The following ERG variants were observed in gnomAD, a reference collection of about 807,000 sequenced individuals.
ERG encodes the protein transcriptional regulator ERG.
In ERG, 9 loss-of-function variants were observed where a neutral mutation model predicts 55.3. The observed-to-expected ratio is 0.16, with a 90% CI of 0.10 to 0.28. The LOEUF (loss-of-function observed/expected upper bound fraction) is 0.28, where lower values mean the gene tolerates loss of function less well. Ranked by LOEUF, ERG falls within the 10% of genes least tolerant of loss-of-function variation. The pLI, the probability that ERG is intolerant of heterozygous loss-of-function variation, is 1.00. For synonymous variants in ERG, 223 were observed against 237.3 expected, an observed-to-expected ratio of 0.94 and a Z score of 0.55; for missense variants, 434 against 631.6, an observed-to-expected ratio of 0.69 and a Z score of 3.35.
At chr21:38,501,463 C>T (rs1217889693), upstream of ERG, among the ~76,000 whole-genome samples, 2 of 152,144 alleles carry the variant, frequency 1.3e-5, no homozygotes, top group African/African-American at 4.8e-5. Flanking sequence ...ATCACTCTAG[C>T]TTTCCTCACT....
At chr21:38,529,586 C>T (rs62219611) in intron 2 of ERG, among the ~76,000 whole-genome samples, 178 of 152,258 alleles carry the variant, frequency 1.2e-3, no homozygotes, top group Non-Finnish European at 2.0e-3. Flanking sequence ...AGAGAAGCCA[C>T]GTTACCTATA....
chr21:38,638,336 A>G (rs1352645063), intron 1 of ERG, among the ~76,000 whole-genome samples: 1 of 152,230 alleles, frequency 6.6e-6, no homozygotes, highest in African/African-American at 2.4e-5. Context: ...GAGCTTCATC[A>G]TGATCATCTT....
At chr21:38,607,232 G>A (rs950312413) in intron 1 of ERG, among the ~76,000 whole-genome samples, 3 of 152,050 alleles carry the variant, frequency 2.0e-5, no homozygotes, top group African/African-American at 7.2e-5. Context: ...AAATGTTGAG[G>A]GAAAGACCAA....
chr21:38,507,956 C>T (rs1279922567), intron 2 of ERG, among the ~76,000 whole-genome samples: 3 of 152,152 alleles, frequency 2.0e-5, no homozygotes, highest in African/African-American at 7.2e-5. Flanking sequence ...CTCTCACACA[C>T]ACGCACATGC....
At chr21:38,444,788 G>T (rs73215924) in intron 2 of ERG, among the ~76,000 whole-genome samples, 4,131 of 151,962 alleles carry the variant, frequency 0.027, 76 homozygotes, top group Non-Finnish European at 0.04. Flanking sequence ...CAGAGGGTGG[G>T]GTGAGGGTGG....
chr21:38,367,814 CTACGG>C, the ERG span, among the ~76,000 whole-genome samples: 3 of 152,138 alleles, frequency 2.0e-5, no homozygotes, highest in African/African-American at 7.2e-5. Context: ...ATAACGAAAC[CTACGG>C]TACAGAGAGT....
At chr21:38,373,081 T>C in the ERG span, among the ~76,000 whole-genome samples, 1 of 152,168 alleles carries the variant, frequency 6.6e-6, no homozygotes, top group Non-Finnish European at 1.5e-5. Flanking sequence ...GTGGTTTCAG[T>C]GTCAAGTAAA....
At chr21:38,395,950 C>T (rs908246072) in intron 6 of ERG, among the ~76,000 whole-genome samples, 1 of 152,174 alleles carries the variant, frequency 6.6e-6, no homozygotes, top group Non-Finnish European at 1.5e-5. Flanking sequence ...GCTGCCTACC[C>T]GCTTTATTTT....
intron 1 of ERG, among the ~76,000 whole-genome samples, chr21:38,612,184 AG>A (rs1322990107): frequency 6.6e-6 from 1 of 152,194 alleles, no homozygotes; most frequent in Non-Finnish European, 1.5e-5. Context: ...ACAAAAGAGG[AG>A]TCACAAAATG....
chr21:38,414,593 G>A (rs1989199748), intron 3 of ERG, among the ~76,000 whole-genome samples: 1 of 152,088 alleles, frequency 6.6e-6, no homozygotes, highest in Non-Finnish European at 1.5e-5. Context: ...CATGAAGTAG[G>A]AATTATTATC....
intron 2 of ERG, among the ~76,000 whole-genome samples, chr21:38,516,704 G>A (rs1463990781): frequency 6.6e-6 from 1 of 151,990 alleles, no homozygotes; most frequent in African/African-American, 2.4e-5. Context: ...CACATAACCT[G>A]ACTTCAAAAT....
chr21:38,415,232 T>C (rs1441694535), intron 3 of ERG, among the ~76,000 whole-genome samples: 3 of 152,208 alleles, frequency 2.0e-5, no homozygotes, highest in Admixed American at 2.0e-4. Flanking sequence ...AGTTTTAGTT[T>C]CTTTACTGTC....
intron 2 of ERG, among the ~76,000 whole-genome samples, chr21:38,569,655 A>T (rs2059945207): frequency 6.6e-6 from 1 of 152,212 alleles, no homozygotes; most frequent in Non-Finnish European, 1.5e-5. Flanking sequence ...CTAGTCCACA[A>T]CAGTCAGCCC....
chr21:38,627,076 A>C (rs1451587981), intron 1 of ERG, among the ~76,000 whole-genome samples: 1 of 152,140 alleles, frequency 6.6e-6, no homozygotes, highest in Non-Finnish European at 1.5e-5. Flanking sequence ...GCATTTACAT[A>C]AAAAAATTTT....
chr21:38,420,579 T>G (rs1441836975), intron 3 of ERG, among the ~76,000 whole-genome samples: 2 of 152,208 alleles, frequency 1.3e-5, no homozygotes. Context: ...CCAGCTAATA[T>G]TTGATGAGCA....
At chr21:38,451,990 C>T (rs958779490) in intron 1 of ERG, among the ~76,000 whole-genome samples, 1 of 152,170 alleles carries the variant, frequency 6.6e-6, no homozygotes, top group Admixed American at 6.5e-5. Flanking sequence ...GTATTAACAT[C>T]GTATATTAAA....
At chr21:38,429,429 G>A (rs1244436751) in intron 2 of ERG, among the ~76,000 whole-genome samples, 4 of 117,340 alleles carry the variant, frequency 3.4e-5, no homozygotes, top group Admixed American at 7.9e-5. Context: ...AAACATGTGT[G>A]TATACATGTA....
intron 3 of ERG, among the ~76,000 whole-genome samples, chr21:38,423,084 A>AGTGTGTGTGTGTGT (rs71184624): frequency 1.4e-4 from 20 of 144,444 alleles, no homozygotes; most frequent in African/African-American, 2.6e-4. Context: ...CTCCATACGT[A>AGTGTGTGTGTGTGT]GTGTGTGTGT....
chr21:38,542,021 T>C (rs1313169182), intron 2 of ERG, among the ~76,000 whole-genome samples: 1 of 152,250 alleles, frequency 6.6e-6, no homozygotes, highest in East Asian at 1.9e-4. Context: ...TTTTTGTTTT[T>C]CTTTTTTGAG....
Sources: allele counts gnomAD v4.1 joint callset (sites outside exome capture counted in the v4.1 genomes callset), GRCh38; gene constraint gnomAD v4.1.1; transcripts MANE v1.5; gene names NCBI Gene and HGNC (gene_info 2026-07-23, HGNC 2026-07-21).